Variants in SLC26A7 observed in about 807,000 individuals in gnomAD.
SLC26A7 encodes the protein anion exchange transporter.
In SLC26A7, 59 loss-of-function variants were observed where a neutral mutation model predicts 82.5. That is an observed-to-expected ratio of 0.72 (90% CI 0.58 to 0.89). The LOEUF (loss-of-function observed/expected upper bound fraction) is 0.89. Ranked by LOEUF, SLC26A7 falls within the 40% of genes least tolerant of loss-of-function variation. The pLI, the probability that SLC26A7 is intolerant of heterozygous loss-of-function variation, is 0.00. For missense variants in SLC26A7, 820 were observed against 793.0 expected (o/e 1.03, Z -0.41); for synonymous variants, 271 against 274.3 (o/e 0.99, Z 0.12).
At chr8:91,268,698 A>G (rs1476222413) in intron 2 of SLC26A7, among the ~76,000 whole-genome samples, 1 of 151,686 alleles carries the variant, frequency 6.6e-6, no homozygotes, top group Non-Finnish European at 1.5e-5. Flanking sequence ...AGGATTTACT[A>G]CTGTCATTTT....
At chr8:91,375,441 C>T (rs952899694) in intron 15 of SLC26A7, among the ~76,000 whole-genome samples, 1 of 151,966 alleles carries the variant, frequency 6.6e-6, no homozygotes, top group African/African-American at 2.4e-5. Context: ...TTGTCCTTAG[C>T]ATTTCCTTGT....
At chr8:91,363,774 G>A (rs540994034) in intron 13 of SLC26A7, among the ~76,000 whole-genome samples, 1 of 152,022 alleles carries the variant, frequency 6.6e-6, no homozygotes, top group Non-Finnish European at 1.5e-5. Context: ...AGCATAGCAT[G>A]GTACCTAGAA....
intron 11 of SLC26A7, among the ~76,000 whole-genome samples, chr8:91,353,865 C>G (rs768436046): frequency 2.0e-5 from 3 of 152,006 alleles, no homozygotes; most frequent in African/African-American, 7.2e-5. Context: ...ACTATCCAGT[C>G]TCTCTAGACA....
intron 10 of SLC26A7, among the ~76,000 whole-genome samples, chr8:91,352,297 GAAC>G (rs1346649018): frequency 1.3e-5 from 2 of 152,106 alleles, no homozygotes; most frequent in African/African-American, 2.4e-5. Flanking sequence ...AAGTGATTCA[GAAC>G]ATTAGTGCCA....
intron 2 of SLC26A7, among the ~76,000 whole-genome samples, chr8:91,242,671 A>C (rs974778401): frequency 6.6e-6 from 1 of 152,190 alleles, no homozygotes; most frequent in Non-Finnish European, 1.5e-5. Flanking sequence ...AACAGTGGCC[A>C]TCTGCAAGCC....
intron 2 of SLC26A7, among the ~76,000 whole-genome samples, chr8:91,279,995 T>C (rs1429033828): frequency 6.6e-6 from 1 of 152,240 alleles, no homozygotes; most frequent in East Asian, 1.9e-4. Flanking sequence ...TCCTTACATA[T>C]TTTGGATATT....
chr8:91,287,362 T>G (rs181487450), intron 2 of SLC26A7, among the ~76,000 whole-genome samples: 1 of 152,340 alleles, frequency 6.6e-6, no homozygotes, highest in Admixed American at 6.5e-5. Context: ...GGCAGACAGA[T>G]AAGCAGGAGG....
chr8:91,375,636 C>T lies in SLC26A7; in HGVS notation c.1675+5803C>T, dbSNP rs78833980. ...GATTTCCTTTATAGGTAATTTAGCC[C>T]TTTTCTCTAGCTGCCTTTAAGTTGT... On this transcript the variant is annotated intron_variant, in intron 15 of 18. Coordinates refer to ENST00000276609, the MANE Select transcript of SLC26A7 (RefSeq NM_052832.4). Among the ~76,000 whole-genome samples, 270 of 149,734 alleles carry T rather than the reference C, an allele frequency of 1.8e-3. 7 individuals are homozygous for T. The East Asian group carries it at 0.047, about 26-fold the overall frequency.
At position 91,395,247 on chromosome 8, in the gene SLC26A7, G is replaced by T; in HGVS notation, c.*150G>T. On this transcript the variant is annotated 3_prime_UTR_variant, in exon 19 of 19. Coordinates refer to ENST00000276609, the MANE Select transcript of SLC26A7 (RefSeq NM_052832.4). ...GTGACTTAGTAACTGCATAGCAGTT[G>T]GAAAGAACTGCCAACTTTTTTTTCT... 7.1e-7 allele frequency: 1 copy of T among 1,408,410 alleles called. No individual in the cohort carries two copies. The allele number at this position is 1,408,410 out of a possible 1,614,324, so 87.2% of individuals were successfully genotyped here. A position where few individuals can be genotyped will look rare whatever the true frequency, so the allele number is the denominator to read the frequency against.
At chr8:91,217,559 A>C (rs545861044) in intron 1 of SLC26A7, among the ~76,000 whole-genome samples, 5 of 152,164 alleles carry the variant, frequency 3.3e-5, no homozygotes, top group African/African-American at 1.2e-4. Context: ...ACTAATCACC[A>C]TTGTCAGAGG....
chr8:91,348,636 T>TG (rs1034978468), intron 9 of SLC26A7, among the ~76,000 whole-genome samples: 2 of 152,068 alleles, frequency 1.3e-5, no homozygotes, highest in African/African-American at 4.8e-5. Context: ...GTTTGCCCAG[T>TG]GGGTAATTGT....
At chr8:91,353,600 C>T (rs2130858608) in intron 11 of SLC26A7, among the ~76,000 whole-genome samples, 1 of 152,246 alleles carries the variant, frequency 6.6e-6, no homozygotes, top group South Asian at 2.1e-4. Flanking sequence ...CCAGAATTCT[C>T]TCCCTCTCCA....
chr8:91,266,776 T>G (rs1811124673), intron 2 of SLC26A7, among the ~76,000 whole-genome samples: 1 of 151,974 alleles, frequency 6.6e-6, no homozygotes, highest in Non-Finnish European at 1.5e-5. Context: ...ATCAGTACTG[T>G]GTTGAATAAA....
Position 91,366,589 on chromosome 8 carries a change from C to A in SLC26A7, c.1498C>A (p.Gln500Lys). Residue 500 changes from glutamine (Q) to lysine (K), a missense_variant, in exon 14 of 19, where the codon CAG becomes AAG. Coordinates refer to ENST00000276609, the MANE Select transcript of SLC26A7 (RefSeq NM_052832.4). Reference protein sequence around the residue: ...VKTEMDSETLQQVKIISINNP... With the variant: ...VKTEMDSETLKQVKIISINNP... ...TTTTCTCCTCCAAAAGGAAACCCTG[C>A]AGCAGGTGAAAATTATCTCAATAAA... 1 of 1,612,624 alleles carries A rather than the reference C, an allele frequency of 6.2e-7. No individual in the cohort carries two copies. The highest frequency in any genetic ancestry group is 8.5e-7 in the Non-Finnish European group (1 of 1,179,624).
intron 2 of SLC26A7, among the ~76,000 whole-genome samples, chr8:91,267,849 A>G (rs1253469188): frequency 6.6e-6 from 1 of 151,744 alleles, no homozygotes; most frequent in Non-Finnish European, 1.5e-5. Context: ...GTTGTTTACT[A>G]GAGATCTTTT....
At chr8:91,380,072 A>G (rs1563710277) in intron 15 of SLC26A7, among the ~76,000 whole-genome samples, 1 of 152,078 alleles carries the variant, frequency 6.6e-6, no homozygotes, top group Admixed American at 6.5e-5. Flanking sequence ...ATTCACAGCT[A>G]TTATTGGGGA....
At chr8:91,304,990 C>A (rs1166948574) in intron 4 of SLC26A7, among the ~76,000 whole-genome samples, 1 of 152,110 alleles carries the variant, frequency 6.6e-6, no homozygotes, top group Non-Finnish European at 1.5e-5. Flanking sequence ...TATGTGATTC[C>A]TCTTACTGTT....
chr8:91,331,326 T>C (rs1278365326), intron 5 of SLC26A7, among the ~76,000 whole-genome samples: 1 of 152,192 alleles, frequency 6.6e-6, no homozygotes, highest in East Asian at 1.9e-4. Flanking sequence ...TCAATAAATG[T>C]ACATTTTGTC....
intron 2 of SLC26A7, among the ~76,000 whole-genome samples, chr8:91,279,123 GTGTATA>G (rs1311361026): frequency 2.9e-4 from 23 of 78,782 alleles, no homozygotes; most frequent in African/African-American, 1.1e-3. Context: ...GTGTGTGTGT[GTGTATA>G]TATATATATA....
Sources: gnomAD v4.1 joint callset for allele counts (sites outside exome capture counted in the v4.1 genomes callset) on GRCh38, gnomAD v4.1.1 for gene constraint, MANE v1.5 for transcripts, NCBI Gene and HGNC (gene_info 2026-07-23, HGNC 2026-07-21) for gene names.